Variants in SLC35F1 observed in about 807,000 individuals in gnomAD.
SLC35F1 encodes solute carrier family 35 member F1.
Under a neutral mutation model 48.7 loss-of-function variants are expected in SLC35F1, and 14 were observed. That is an observed-to-expected ratio of 0.29 (90% CI 0.19 to 0.45). The LOEUF (loss-of-function observed/expected upper bound fraction) is 0.45. SLC35F1 is among the 20% of genes least tolerant of loss of function. SLC35F1 has a pLI of 1.00. For synonymous variants in SLC35F1, 190 were observed against 202.2 expected (o/e 0.94, Z 0.51); for missense variants, 404 against 500.0 (o/e 0.81, Z 1.83).
chr6:118,278,793 C>T (rs1775948137), intron 6 of SLC35F1, among the ~76,000 whole-genome samples: 1 of 152,236 alleles, frequency 6.6e-6, no homozygotes, highest in African/African-American at 2.4e-5. Context: ...CTTGACAGCA[C>T]TTCACATGCA....
At chr6:118,138,049 G>T (rs540442929) in intron 1 of SLC35F1, among the ~76,000 whole-genome samples, 12 of 152,026 alleles carry the variant, frequency 7.9e-5, no homozygotes, top group Admixed American at 7.2e-4. Context: ...TGGCTCACAC[G>T]TGTATACCCA....
chr6:118,105,576 C>G (rs1773316115), intron 1 of SLC35F1, among the ~76,000 whole-genome samples: 1 of 152,236 alleles, frequency 6.6e-6, no homozygotes, highest in South Asian at 2.1e-4. Context: ...TCTTTCTACG[C>G]ATTGCCCAGG....
Position 117,923,715 on chromosome 6 carries a change from A to ACATATGTATATATG in SLC35F1, c.173+15816_173+15817insCATATGTATATATG, listed in dbSNP as rs1562238895. 7.1e-3 allele frequency among the ~76,000 whole-genome samples: 55 copies of ACATATGTATATATG among 7,730 alleles called. 4 individuals carry two copies. Among genetic ancestry groups the ACATATGTATATATG allele is most frequent in the African/African-American group, 0.019 (45 of 2,386 alleles). 5.1% of individuals were successfully genotyped at this position (7,730 alleles called of 152,430 possible). On this transcript the variant is annotated intron_variant, in intron 1 of 7. Transcript: ENST00000360388. ...TGTACATATACATATATGTACATAT[A>ACATATGTATATATG]TACATATATACATATGTATATATAC...
intron 1 of SLC35F1, among the ~76,000 whole-genome samples, chr6:118,090,367 G>T (rs1034965204): frequency 7.9e-5 from 12 of 152,158 alleles, no homozygotes; most frequent in Non-Finnish European, 2.9e-5. Flanking sequence ...GTCGTGGTGG[G>T]AGGAAACAGA....
At chr6:118,291,920 C>T (rs1180872344) in intron 7 of SLC35F1, among the ~76,000 whole-genome samples, 2 of 152,004 alleles carry the variant, frequency 1.3e-5, no homozygotes, top group Non-Finnish European at 2.9e-5. Context: ...GAGTTCAAGA[C>T]CAGCCTGGCC....
At chr6:118,005,410 T>C (rs1416352199) in intron 1 of SLC35F1, among the ~76,000 whole-genome samples, 1 of 152,192 alleles carries the variant, frequency 6.6e-6, no homozygotes, top group Admixed American at 6.5e-5. Flanking sequence ...GTCTTCTTTA[T>C]TTATTTTTTC....
chr6:118,216,327 G>A (rs998823294), intron 2 of SLC35F1, among the ~76,000 whole-genome samples: 1 of 151,378 alleles, frequency 6.6e-6, no homozygotes, highest in African/African-American at 2.4e-5. Context: ...AAAGTGCTGG[G>A]ATTACAGGCA....
At chr6:117,964,501 CT>C (rs1192956466) in intron 1 of SLC35F1, among the ~76,000 whole-genome samples, 2 of 152,334 alleles carry the variant, frequency 1.3e-5, no homozygotes, top group East Asian at 3.9e-4. Flanking sequence ...CCATTATTGG[CT>C]GCAAGAAGGA....
chr6:118,213,426 TGGG>T (rs1775033853), intron 2 of SLC35F1, among the ~76,000 whole-genome samples: 1 of 152,182 alleles, frequency 6.6e-6, no homozygotes, highest in Non-Finnish European at 1.5e-5. Context: ...TCATATACTT[TGGG>T]GAGTTACTTG....
At chr6:117,918,118 A>C (rs1479394428) in intron 1 of SLC35F1, among the ~76,000 whole-genome samples, 1 of 152,122 alleles carries the variant, frequency 6.6e-6, no homozygotes, top group African/African-American at 2.4e-5. Flanking sequence ...GCAGCTGGAA[A>C]TGTGGATGGA....
chr6:118,154,812 A>G (rs541848786), intron 2 of SLC35F1, among the ~76,000 whole-genome samples, 192 bp downstream of exon 2: 1 of 152,360 alleles, frequency 6.6e-6, no homozygotes, highest in Non-Finnish European at 1.5e-5. Context: ...AATCATATGA[A>G]TTCAGCAAGA....
chr6:118,284,226 C>T (rs1291595276), intron 6 of SLC35F1, among the ~76,000 whole-genome samples: 1 of 152,192 alleles, frequency 6.6e-6, no homozygotes, highest in Non-Finnish European at 1.5e-5. Flanking sequence ...ACACCAGATA[C>T]ATTTAATCAA....
At position 117,983,577 on chromosome 6, in the gene SLC35F1, G is replaced by A. The variant is rs114117062; in HGVS notation, c.173+75678G>A. 6.2e-3 allele frequency among the ~76,000 whole-genome samples: 937 copies of A among 151,900 alleles called. 12 individuals are homozygous for A. Among genetic ancestry groups the A allele is most frequent in the African/African-American group, 0.021 (889 of 41,456 alleles). ...GGGTGACAGAGTGAGACGCAGTGTC[G>A]AAAAAGAAAAAGAAAAGAAAAGAAA... On this transcript the variant is annotated intron_variant, in intron 1 of 7. Transcript: ENST00000360388.
rs149361122 is a variant in SLC35F1 at position 118,187,866 on chromosome 6, A to T, written c.349+33246A>T. 6.3e-3 allele frequency among the ~76,000 whole-genome samples: 959 copies of T among 152,372 alleles called. 15 individuals are homozygous for T. Among genetic ancestry groups the T allele is most frequent in the South Asian group, 0.054 (262 of 4,834 alleles). On this transcript the variant is annotated intron_variant, in intron 2 of 7. Transcript: ENST00000360388. ...TAGGCTGGTGTCTCTGGCTTTTGCCAGACACAGAGTTGTTTCAAAAATAAT... is the reference window on the plus strand; with the variant it reads ...TAGGCTGGTGTCTCTGGCTTTTGCCTGACACAGAGTTGTTTCAAAAATAAT...
intron 3 of SLC35F1, among the ~76,000 whole-genome samples, chr6:118,261,438 T>C (rs975356085): frequency 1.3e-5 from 2 of 152,186 alleles, no homozygotes; most frequent in Admixed American, 6.5e-5. Flanking sequence ...TATATACATA[T>C]GCATACACAA....
At chr6:118,032,769 G>C (rs144742889) in intron 1 of SLC35F1, among the ~76,000 whole-genome samples, 1 of 152,224 alleles carries the variant, frequency 6.6e-6, no homozygotes, top group East Asian at 1.9e-4. Flanking sequence ...ACCTAGAAAA[G>C]CTATTGGCAT....
intron 3 of SLC35F1, among the ~76,000 whole-genome samples, chr6:118,249,629 G>A (rs564563864): frequency 3.0e-4 from 46 of 152,294 alleles, no homozygotes; most frequent in African/African-American, 1.1e-3. Flanking sequence ...AAAAGGCTTC[G>A]AGCTGCTTTT....
chr6:118,125,202 G>T (rs745994541), intron 1 of SLC35F1, among the ~76,000 whole-genome samples: 1 of 152,120 alleles, frequency 6.6e-6, no homozygotes, highest in Non-Finnish European at 1.5e-5. Context: ...AAGAATTCAG[G>T]TTTTGCTTTC....
chr6:117,925,000 ATAGAG>A (rs1449596964), intron 1 of SLC35F1, among the ~76,000 whole-genome samples: 1 of 152,206 alleles, frequency 6.6e-6, no homozygotes, highest in Non-Finnish European at 1.5e-5. Context: ...CAAAAGGAAT[ATAGAG>A]TATTTACATG....
Sources: allele counts gnomAD v4.1 joint callset (sites outside exome capture counted in the v4.1 genomes callset), GRCh38; gene constraint gnomAD v4.1.1; transcripts MANE v1.5; gene names NCBI Gene and HGNC (gene_info 2026-07-23, HGNC 2026-07-21).